The following COL6A5 variants were observed in gnomAD, a reference collection of about 807,000 sequenced individuals.
The protein encoded by COL6A5 is collagen type VI alpha 5 chain.
In COL6A5, 48 loss-of-function variants were observed where a neutral mutation model predicts 65.6. The observed-to-expected ratio is 0.73, with a 90% confidence interval of 0.58 to 0.93. The LOEUF (loss-of-function observed/expected upper bound fraction) is 0.93, where lower values mean the gene tolerates loss of function less well. Among genes scored for constraint, COL6A5 ranks in the 40% least tolerant of loss-of-function variants. The pLI, the probability that COL6A5 is intolerant of heterozygous loss-of-function variation, is 0.00. For synonymous variants in COL6A5, 291 were observed against 322.8 expected, an observed-to-expected ratio of 0.90 and a Z score of 1.05; for missense variants, 914 against 928.3, an observed-to-expected ratio of 0.98 and a Z score of 0.20.
chr3:130,401,175 T>G lies in COL6A5; in HGVS notation c.4134+2T>G. ...GGCAAAAAACTATCACAGTACCTGG[T>G]GAGTTGTTGAACAAAATCCCCGGTT... On this transcript the variant is annotated splice_donor_variant and NMD_transcript_variant, in intron 11 of 41. Coordinates refer to the COL6A5 transcript ENST00000312481. The G allele has an allele frequency of 6.5e-7, 1 of 1,533,314 alleles. No individual in the cohort carries two copies. The highest frequency in any genetic ancestry group is 8.8e-7 in the Non-Finnish European group (1 of 1,141,196). The allele number at this position is 1,533,314 out of a possible 1,614,324, so 95.0% of individuals were successfully genotyped here.
At chr3:130,444,515 C>T (rs1477060913) in intron 4 of COL6A5, among the ~76,000 whole-genome samples, 2 of 152,252 alleles carry the variant, frequency 1.3e-5, no homozygotes, top group East Asian at 3.9e-4. Context: ...TCCGCCATGG[C>T]TTCAGCCGGT....
chr3:130,379,795 C>T, exon 4 of COL6A5: 1 of 1,551,408 alleles, frequency 6.4e-7, no homozygotes, highest in Non-Finnish European at 8.7e-7. Flanking sequence ...CACCCACAGA[C>T]CATCAGATGA....
At position 130,409,274 on chromosome 3, in the gene COL6A5, A is replaced by ATTAT. The variant is rs1937098544; in HGVS notation, c.4480-51_4480-48dup. ...CATACAAAACTTCACACTTAACACC[A>ATTAT]TTATACAAGCCTCCTACAAGCTAAC... On this transcript the variant is annotated intron_variant and NMD_transcript_variant, in intron 17 of 41. Coordinates refer to the COL6A5 transcript ENST00000312481. The ATTAT allele has an allele frequency of 6.3e-6, 9 of 1,429,340 alleles. No individual in the cohort carries two copies. In the East Asian group the frequency reaches 2.3e-4, roughly 36 times the overall value. The allele number at this position is 1,429,340 out of a possible 1,614,324, so 88.5% of individuals were successfully genotyped here.
At chr3:130,466,940 T>C (rs1192615348) in intron 5 of COL6A5, among the ~76,000 whole-genome samples, 1 of 152,000 alleles carries the variant, frequency 6.6e-6, no homozygotes, top group Admixed American at 6.6e-5. Context: ...ATTAATGAGA[T>C]TGAATTTGTA....
In COL6A5 at chr3:130,477,311, A is replaced by G. The variant is rs892513712; in HGVS notation, c.2328+6344A>G. The G allele has an allele frequency of 1.6e-5, 7 of 424,406 alleles. No homozygotes were observed. The Admixed American group carries it at 2.4e-4, about 15-fold the overall frequency. 26.3% of individuals were successfully genotyped at this position (424,406 alleles called of 1,614,324 possible). A position where few individuals can be genotyped will look rare whatever the true frequency, so the allele number is the denominator to read the frequency against. Reference sequence around the variant, plus strand: ...TCTAAGTTTGATCATCTATTTGACAATTAAAAATATAAATCCATTATATCA... The same window carrying G: ...TCTAAGTTTGATCATCTATTTGACAGTTAAAAATATAAATCCATTATATCA... On this transcript the variant is annotated intron_variant, in intron 7 of 7. Coordinates refer to ENST00000512836, the Ensembl canonical transcript of COL6A5.
chr3:130,371,665 C>T (rs1935566144), intron 1 of COL6A5, among the ~76,000 whole-genome samples: 1 of 152,108 alleles, frequency 6.6e-6, no homozygotes, highest in African/African-American at 2.4e-5. Context: ...TCACCCCATA[C>T]ACAAAACAAC....
rs532009064 is a variant in COL6A5 at position 130,391,634 on chromosome 3, C to G, written c.2872C>G (p.Gln958Glu). The G allele has an allele frequency of 9.0e-6, 14 of 1,551,590 alleles. No homozygotes were observed. The South Asian group carries it at 1.5e-4, about 17-fold the overall frequency. ...TGCAGTGGGTGTAGGAAAGGCCAAC[C>G]AAAAGGAACTTGAGGGTATGGCAGG... The change falls in exon 7 of 42, where the codon CAA becomes GAA. Residue 958 changes from glutamine (Q) to glutamate (E), a missense_variant and NMD_transcript_variant. By Grantham distance (29) the Gln-to-Glu change is conservative. Transcript: ENST00000312481.
intron 22 of COL6A5, among the ~76,000 whole-genome samples, chr3:130,415,144 T>C (rs1937302308): frequency 6.6e-6 from 1 of 152,114 alleles, no homozygotes; most frequent in African/African-American, 2.4e-5. Flanking sequence ...CCTCTAGTTT[T>C]TGCTTCTGTG....
chr3:130,474,763 T>G (rs1710046028), intron 7 of COL6A5, among the ~76,000 whole-genome samples: 1 of 151,876 alleles, frequency 6.6e-6, no homozygotes, highest in Admixed American at 6.6e-5. Context: ...ATTCTGGCAC[T>G]TTGGGAAGCT....
chr3:130,401,622 C>A, intron 11 of COL6A5, 140 bp from the exon 12 acceptor site: 1 of 659,506 alleles, frequency 1.5e-6, no homozygotes, highest in Non-Finnish European at 2.7e-6. Context: ...TCAGAAAGCA[C>A]CTCTTATTCT....
intron 1 of COL6A5, among the ~76,000 whole-genome samples, chr3:130,357,099 A>G (rs1934951335): frequency 6.6e-6 from 1 of 152,220 alleles, no homozygotes; most frequent in African/African-American, 2.4e-5. Context: ...ACCATAATCC[A>G]GACAAAAAGG....
At chr3:130,394,391 C>A (rs1017017919) in intron 7 of COL6A5, among the ~76,000 whole-genome samples, 1 of 152,082 alleles carries the variant, frequency 6.6e-6, no homozygotes, top group Non-Finnish European at 1.5e-5. Flanking sequence ...AATAATTAGT[C>A]ATAAGGTGGT....
chr3:130,402,002 A>G, intron 12 of COL6A5, 148 bp downstream of exon 12: 1 of 581,520 alleles, frequency 1.7e-6, no homozygotes, highest in Non-Finnish European at 3.1e-6. Flanking sequence ...AATAAAATCC[A>G]GGTCAGGAGA....
intron 5 of COL6A5, among the ~76,000 whole-genome samples, chr3:130,464,884 AC>A (rs1709778202): frequency 6.6e-6 from 1 of 152,074 alleles, no homozygotes; most frequent in Non-Finnish European, 1.5e-5. Context: ...TGTATATATG[AC>A]CAGTTCTTAG....
intron 2 of COL6A5, among the ~76,000 whole-genome samples, chr3:130,374,984 G>T (rs1227252169): frequency 1.3e-5 from 2 of 152,192 alleles, no homozygotes; most frequent in African/African-American, 2.4e-5. Context: ...CATTGTCACT[G>T]TGTTACTCTA....
chr3:130,455,164 C>A (rs1431668423), intron 4 of COL6A5, among the ~76,000 whole-genome samples: 46 of 139,524 alleles, frequency 3.3e-4, no homozygotes, highest in South Asian at 4.8e-4. Context: ...AAAAAAAAAA[C>A]AAACAAACAA....
upstream of COL6A5, among the ~76,000 whole-genome samples, chr3:130,429,269 A>AATT: frequency 6.6e-6 from 1 of 152,344 alleles, no homozygotes; most frequent in South Asian, 2.1e-4. Context: ...TTGCTGTTTA[A>AATT]TCAGAGGCTC....
chr3:130,419,574 T>TA (rs1006518170), intron 25 of COL6A5, among the ~76,000 whole-genome samples: 2 of 152,130 alleles, frequency 1.3e-5, no homozygotes, highest in African/African-American at 4.8e-5. Context: ...AATGGAATAC[T>TA]ATTCAGCCTT....
chr3:130,461,082 G>T (rs567435837), intron 5 of COL6A5, among the ~76,000 whole-genome samples: 1 of 151,912 alleles, frequency 6.6e-6, no homozygotes, highest in Non-Finnish European at 1.5e-5. Flanking sequence ...TATGTCTTTG[G>T]GTCCTGTTCT....
Sources: gnomAD v4.1 joint callset for allele counts (sites outside exome capture counted in the v4.1 genomes callset) on GRCh38, gnomAD v4.1.1 for gene constraint, MANE v1.5 for transcripts, NCBI Gene and HGNC (gene_info 2026-07-23, HGNC 2026-07-21) for gene names.